The following RPS6KC1 variants were observed in gnomAD, a reference collection of about 807,000 sequenced individuals.
The protein encoded by RPS6KC1 is ribosomal protein S6 kinase C1, also known as inactive ribosomal protein S6 kinase delta-1.
Under a neutral mutation model 103.8 loss-of-function variants are expected in RPS6KC1, and 54 were observed. That is an observed-to-expected ratio of 0.52 (90% CI 0.42 to 0.65). The LOEUF (loss-of-function observed/expected upper bound fraction) is 0.65. Among genes scored for constraint, RPS6KC1 ranks in the 30% least tolerant of loss-of-function variants. RPS6KC1 has a pLI of 0.00. For missense variants in RPS6KC1, 1,151 were observed against 1,253.8 expected (o/e 0.92, Z 1.24); for synonymous variants, 439 against 438.7 (o/e 1.00, Z -0.01).
At chr1:213,643,477 T>C in the RPS6KC1 span, among the ~76,000 whole-genome samples, 2 of 151,952 alleles carry the variant, frequency 1.3e-5, no homozygotes, top group Non-Finnish European at 2.9e-5. Flanking sequence ...TTGATTTTTT[T>C]TCATGCTTAT....
chr1:213,827,792 C>T, the RPS6KC1 span, among the ~76,000 whole-genome samples: 1 of 152,088 alleles, frequency 6.6e-6, no homozygotes, highest in African/African-American at 2.4e-5. Context: ...GGATGAGACA[C>T]CTGAAGGAGG....
At chr1:213,706,714 A>G in the RPS6KC1 span, among the ~76,000 whole-genome samples, 1 of 152,006 alleles carries the variant, frequency 6.6e-6, no homozygotes, top group African/African-American at 2.4e-5. Flanking sequence ...CCACCCGTTG[A>G]CAGGCCCCAG....
the RPS6KC1 span, among the ~76,000 whole-genome samples, chr1:213,454,148 G>GA: frequency 1.4e-5 from 1 of 71,756 alleles, no homozygotes; most frequent in African/African-American, 1.1e-4. Flanking sequence ...TTGACCACAT[G>GA]GGGGGGGTCA....
At chr1:213,148,973 A>AT (rs1330922687) in intron 6 of RPS6KC1, among the ~76,000 whole-genome samples, 1 of 152,146 alleles carries the variant, frequency 6.6e-6, no homozygotes, top group East Asian at 1.9e-4. Flanking sequence ...ATAGTTGCAC[A>AT]TATTAGCTAC....
the RPS6KC1 span, among the ~76,000 whole-genome samples, chr1:213,299,095 G>A: frequency 1.3e-5 from 2 of 152,180 alleles, no homozygotes; most frequent in Admixed American, 1.3e-4. Flanking sequence ...AAGCATGGAA[G>A]CTTCATGGGA....
At chr1:213,319,935 C>A in the RPS6KC1 span, among the ~76,000 whole-genome samples, 1 of 152,184 alleles carries the variant, frequency 6.6e-6, no homozygotes, top group Non-Finnish European at 1.5e-5. Flanking sequence ...AAAGGTCCTT[C>A]TTTGAAGAGA....
At chr1:213,187,849 C>G (rs2092597011) in intron 8 of RPS6KC1, among the ~76,000 whole-genome samples, 1 of 151,874 alleles carries the variant, frequency 6.6e-6, no homozygotes, top group South Asian at 2.1e-4. Flanking sequence ...GTTTTGGTTT[C>G]TACTGGATAT....
At chr1:213,447,581 C>CATAACT in the RPS6KC1 span, among the ~76,000 whole-genome samples, 4 of 152,310 alleles carry the variant, frequency 2.6e-5, no homozygotes, top group East Asian at 7.7e-4. Flanking sequence ...TCAAATCCTC[C>CATAACT]ATAACTACAT....
the RPS6KC1 span, among the ~76,000 whole-genome samples, chr1:213,581,346 T>G: frequency 6.6e-6 from 1 of 152,120 alleles, no homozygotes; most frequent in Non-Finnish European, 1.5e-5. Flanking sequence ...TAGTTGCTAG[T>G]AAGAGTCTGT....
the RPS6KC1 span, among the ~76,000 whole-genome samples, chr1:213,595,057 T>C: frequency 9.2e-5 from 14 of 152,276 alleles, no homozygotes; most frequent in Middle Eastern, 3.4e-3. Flanking sequence ...TTTCCCATCT[T>C]AAGCTGTGAA....
chr1:213,552,727 G>A, the RPS6KC1 span, among the ~76,000 whole-genome samples: 6 of 152,126 alleles, frequency 3.9e-5, no homozygotes, highest in Non-Finnish European at 7.4e-5. Context: ...AAGATTTTTG[G>A]AAGTGGAGGT....
At chr1:213,324,925 G>T in the RPS6KC1 span, among the ~76,000 whole-genome samples, 1 of 151,994 alleles carries the variant, frequency 6.6e-6, no homozygotes, top group African/African-American at 2.4e-5. Context: ...GGGCTGCCGT[G>T]GGGTGGGGGC....
At chr1:213,701,246 G>GT in the RPS6KC1 span, among the ~76,000 whole-genome samples, 42 of 151,530 alleles carry the variant, frequency 2.8e-4, no homozygotes, top group African/African-American at 8.0e-4. Context: ...TTTTTTGAGG[G>GT]TTTTTTTTAT....
the RPS6KC1 span, chr1:213,818,422 T>A: frequency 6.6e-6 from 1 of 152,296 alleles, no homozygotes; most frequent in Admixed American, 6.5e-5. Flanking sequence ...TCATTGCTGA[T>A]AGGGAGAAAG....
chr1:213,144,693 T>C (rs2087512769), intron 6 of RPS6KC1, among the ~76,000 whole-genome samples: 2 of 152,084 alleles, frequency 1.3e-5, no homozygotes, highest in African/African-American at 4.8e-5. Flanking sequence ...CAGGATTACA[T>C]ACTTTAATAA....
the RPS6KC1 span, among the ~76,000 whole-genome samples, chr1:213,602,187 T>TTTA: frequency 1.0e-5 from 1 of 99,118 alleles, no homozygotes; most frequent in Non-Finnish European, 1.9e-5. Context: ...TCTTTCTTTC[T>TTTA]TTTTCCCTCC....
the RPS6KC1 span, among the ~76,000 whole-genome samples, chr1:213,512,859 G>A: frequency 6.6e-6 from 1 of 152,134 alleles, no homozygotes; most frequent in African/African-American, 2.4e-5. Flanking sequence ...CAAAACACTG[G>A]TGACAGAGGA....
the RPS6KC1 span, among the ~76,000 whole-genome samples, chr1:213,315,353 A>AACCT: frequency 2.0e-5 from 3 of 152,148 alleles, no homozygotes; most frequent in Non-Finnish European, 2.9e-5. Context: ...GCCTGAGCAA[A>AACCT]ACCTAATTAG....
the RPS6KC1 span, among the ~76,000 whole-genome samples, chr1:213,770,256 C>T: frequency 6.6e-6 from 1 of 152,198 alleles, no homozygotes; most frequent in Non-Finnish European, 1.5e-5. Flanking sequence ...GCTTGGGACT[C>T]CTCCTTATTC....
Sources: gnomAD v4.1 joint callset for allele counts (sites outside exome capture counted in the v4.1 genomes callset) on GRCh38, gnomAD v4.1.1 for gene constraint, MANE v1.5 for transcripts, NCBI Gene and HGNC (gene_info 2026-07-23, HGNC 2026-07-21) for gene names.